Variants in CDK5RAP1 observed in about 807,000 individuals in gnomAD.
The protein encoded by CDK5RAP1 is CDK5RAP1 mitochondrial tRNA methylthiotransferase, also known as mitochondrial tRNA methylthiotransferase CDK5RAP1.
CDK5RAP1 carries 62 observed loss-of-function variants against 64.5 expected under a neutral mutation model. That is an observed-to-expected ratio of 0.96 (90% confidence interval 0.78 to 1.19). CDK5RAP1 has a LOEUF of 1.19. Among genes scored for constraint, CDK5RAP1 ranks in the 50% most tolerant of loss-of-function variants. The pLI, the probability that CDK5RAP1 is intolerant of heterozygous loss-of-function variation, is 0.00. For missense variants in CDK5RAP1, 657 were observed against 735.0 expected, an observed-to-expected ratio of 0.89 and a Z score of 1.23; for synonymous variants, 250 against 261.9, an observed-to-expected ratio of 0.95 and a Z score of 0.44.
At chr20:33,398,901 G>A (rs1989145581) in intron 1 of CDK5RAP1, among the ~76,000 whole-genome samples, 1 of 152,046 alleles carries the variant, frequency 6.6e-6, no homozygotes, top group East Asian at 1.9e-4. Context: ...ACTCCAGCCT[G>A]GGTGACAGAG....
intron 1 of CDK5RAP1, among the ~76,000 whole-genome samples, chr20:33,397,639 C>T (rs1216151611): frequency 1.3e-5 from 2 of 152,198 alleles, no homozygotes; most frequent in Non-Finnish European, 2.9e-5. Flanking sequence ...TGAGTTCCTT[C>T]AGAAGGAAAG....
chr20:33,366,842 C>T lies in CDK5RAP1; in HGVS notation c.1542+17G>A, dbSNP rs1984052298. ...GAAACATAAAAAACAACATAACACA[C>T]ACACATATGGCCTCACCCCTTCCAC... On this transcript the variant is annotated intron_variant, in intron 12 of 13. Coordinates refer to ENST00000346416, the MANE Select transcript of CDK5RAP1 (RefSeq NM_016408.4). 6.3e-7 allele frequency: 1 copy of T among 1,594,790 alleles called. No individual in the cohort carries two copies. Among genetic ancestry groups the T allele is most frequent in the East Asian group, 2.2e-5 (1 of 44,522 alleles).
intron 7 of CDK5RAP1, among the ~76,000 whole-genome samples, chr20:33,382,139 G>A (rs1431200244): frequency 6.6e-6 from 1 of 152,072 alleles, no homozygotes; most frequent in Non-Finnish European, 1.5e-5. Context: ...ATGTACCAAA[G>A]AAAGATGGCA....
chr20:33,387,571 C>T (rs2146684881), intron 5 of CDK5RAP1, 38 bp from the exon 6 acceptor site: 2 of 1,539,580 alleles, frequency 1.3e-6, no homozygotes, highest in East Asian at 2.2e-5. Flanking sequence ...TTCCCCAAAT[C>T]CACCTGGTGT....
rs558786271 is a variant in CDK5RAP1, at chr20:33,380,550, T to C, written c.877-859A>G. 3.9e-5 allele frequency among the ~76,000 whole-genome samples: 6 copies of C among 152,314 alleles called. No individual in the cohort carries two copies. In the South Asian group the frequency reaches 1.2e-3, roughly 32 times the overall value. Reference sequence around the variant, plus strand: ...GAGAAAAATTGTTACTCATAGAAGATACATACTGAAGTATCTAGGGGCAAG... The same window carrying C: ...GAGAAAAATTGTTACTCATAGAAGACACATACTGAAGTATCTAGGGGCAAG... On this transcript the variant is annotated intron_variant, in intron 7 of 13. Coordinates refer to ENST00000346416, the MANE Select transcript of CDK5RAP1 (RefSeq NM_016408.4).
chr20:33,385,850 A>C, intron 6 of CDK5RAP1, 80 bp from the exon 7 acceptor site: 1 of 1,347,988 alleles, frequency 7.4e-7, no homozygotes, highest in South Asian at 1.4e-5. Flanking sequence ...CAGCTTCAAT[A>C]GCATTATTCT....
chr20:33,365,816 C>T (rs1983817140), intron 12 of CDK5RAP1, among the ~76,000 whole-genome samples: 1 of 152,138 alleles, frequency 6.6e-6, no homozygotes, highest in Non-Finnish European at 1.5e-5. Flanking sequence ...ATAAAGTGCG[C>T]AGTTCCTGGC....
At chr20:33,387,669 T>G (rs1423902445) in intron 5 of CDK5RAP1, 136 bp from the exon 6 acceptor site, 1 of 664,138 alleles carries the variant, frequency 1.5e-6, no homozygotes, top group East Asian at 2.7e-5. Context: ...AGTATCATCC[T>G]TCAAATTTAA....
At chr20:33,384,352 T>A (rs1359626829) in intron 7 of CDK5RAP1, among the ~76,000 whole-genome samples, 1 of 152,190 alleles carries the variant, frequency 6.6e-6, no homozygotes, top group Non-Finnish European at 1.5e-5. Context: ...TGGGGAGTTT[T>A]GTCACCATCT....
intron 7 of CDK5RAP1, among the ~76,000 whole-genome samples, chr20:33,383,064 C>G (rs1336997992): frequency 1.3e-5 from 2 of 151,736 alleles, no homozygotes; most frequent in African/African-American, 4.8e-5. Flanking sequence ...ACCTGTAATT[C>G]CAGCTACTTG....
intron 9 of CDK5RAP1, 108 bp downstream of exon 9, chr20:33,374,007 G>A: frequency 1.3e-6 from 1 of 758,716 alleles, no homozygotes; most frequent in Non-Finnish European, 2.3e-6. Flanking sequence ...TTACTGAGCA[G>A]CTACTTTGTG....
rs966323170 is a variant in CDK5RAP1, at chr20:33,379,393, A to G, written c.1107+68T>C. 4.4e-6 allele frequency: 5 copies of G among 1,134,936 alleles called. No homozygotes were observed. The South Asian group carries it at 5.3e-5, about 12-fold the overall frequency. The allele number at this position is 1,134,936 out of a possible 1,614,324, so 70.3% of individuals were successfully genotyped here. On this transcript the variant is annotated intron_variant, in intron 8 of 13. Transcript: ENST00000346416. ...GACTCCAGGTCTCTGCTGCATCCCT[A>G]CTGGGTCCAGCCTTTGGCATGCTCA...
intron 7 of CDK5RAP1, among the ~76,000 whole-genome samples, chr20:33,382,194 T>C (rs1986841420): frequency 6.6e-6 from 1 of 152,156 alleles, no homozygotes; most frequent in African/African-American, 2.4e-5. Flanking sequence ...AAATGTAAAG[T>C]CATTCCAAAA....
At chr20:33,385,615 A>G (rs1343511707) in intron 7 of CDK5RAP1, 35 bp downstream of exon 7, 1 of 1,611,246 alleles carries the variant, frequency 6.2e-7, no homozygotes, top group African/African-American at 1.3e-5. Flanking sequence ...TCCCCCAAAC[A>G]TGTTCACAGC....
chr20:33,384,976 T>G (rs1987233194), intron 7 of CDK5RAP1, among the ~76,000 whole-genome samples: 1 of 152,014 alleles, frequency 6.6e-6, no homozygotes, highest in Admixed American at 6.5e-5. Flanking sequence ...GCCAAACAAG[T>G]AAGGAAGCAG....
At chr20:33,383,166 A>G (rs1283185724) in intron 7 of CDK5RAP1, among the ~76,000 whole-genome samples, 1 of 152,184 alleles carries the variant, frequency 6.6e-6, no homozygotes, top group Non-Finnish European at 1.5e-5. Context: ...GGGCAAAAAG[A>G]GCGAAACTCC....
chr20:33,368,436 G>A (rs913454462), intron 11 of CDK5RAP1, among the ~76,000 whole-genome samples: 1 of 147,000 alleles, frequency 6.8e-6, no homozygotes, highest in African/African-American at 2.5e-5. Context: ...GGGATCACAG[G>A]CATGTGCCAC....
chr20:33,378,165 GC>G (rs1258863779), intron 8 of CDK5RAP1, among the ~76,000 whole-genome samples: 1 of 152,164 alleles, frequency 6.6e-6, no homozygotes, highest in African/African-American at 2.4e-5. Context: ...TCAAGTGAGA[GC>G]CCTGCGACCC....
chr20:33,379,837 T>A (rs962086740), intron 7 of CDK5RAP1, 146 bp from the exon 8 acceptor site: 8 of 629,386 alleles, frequency 1.3e-5, no homozygotes, highest in Non-Finnish European at 2.2e-5. Context: ...ATAAGTGTGT[T>A]GTGTCTATAA....
Sources: gnomAD v4.1 joint callset for allele counts (sites outside exome capture counted in the v4.1 genomes callset) on GRCh38, gnomAD v4.1.1 for gene constraint, MANE v1.5 for transcripts, NCBI Gene and HGNC (gene_info 2026-07-23, HGNC 2026-07-21) for gene names.